The following PTPRN2 variants were observed in gnomAD, a reference collection of about 807,000 sequenced individuals.
The protein encoded by PTPRN2 is protein tyrosine phosphatase receptor type N2, also known as receptor-type tyrosine-protein phosphatase N2.
PTPRN2 carries 74 observed loss-of-function variants against 118.8 expected under a neutral mutation model. The observed-to-expected ratio is 0.62, with a 90% CI of 0.52 to 0.76. The LOEUF (loss-of-function observed/expected upper bound fraction) is 0.76, where lower values mean the gene tolerates loss of function less well. PTPRN2 is among the 30% of genes least tolerant of loss of function. The pLI is 0.00. For missense variants in PTPRN2, 1,481 were observed against 1,394.4 expected (o/e 1.06, Z -0.99); for synonymous variants, 641 against 608.0 (o/e 1.05, Z -0.80).
At position 157,610,510 on chromosome 7, in the gene PTPRN2, C is replaced by G. The variant is rs1316161853; in HGVS notation, c.2345-6435G>C. Among the ~76,000 whole-genome samples, 1 of 152,206 alleles carries G rather than the reference C, an allele frequency of 6.6e-6. No individual in the cohort carries two copies. The highest frequency in any genetic ancestry group is 1.5e-5 in the Non-Finnish European group (1 of 68,040). The stretch of plus-strand genomic sequence containing the variant: ...CAGTTGGCACCAGCACCCACAAGCT[C>G]CTGCTCCGAGTTTATGGTGTCCATC... On this transcript the variant is annotated intron_variant, in intron 15 of 22. Coordinates refer to ENST00000389418, the MANE Select transcript of PTPRN2 (RefSeq NM_002847.5). This position sits in a 1 kb window ranked among gnomAD's most constrained non-coding sequence, Gnocchi z 5.1.
intron 3 of PTPRN2, among the ~76,000 whole-genome samples, chr7:158,268,554 T>C (rs1335907205): frequency 1.6e-5 from 2 of 125,780 alleles, no homozygotes; most frequent in African/African-American, 6.4e-5. Context: ...AGGGCGGGTG[T>C]GTAATATCCC....
At chr7:158,246,484 G>C (rs543712482) in intron 3 of PTPRN2, among the ~76,000 whole-genome samples, 1 of 151,130 alleles carries the variant, frequency 6.6e-6, no homozygotes, top group Admixed American at 6.6e-5. Context: ...ACGGGAGAAG[G>C]AGGATGCTGG....
chr7:157,714,219 T>C (rs1483774842), intron 12 of PTPRN2, among the ~76,000 whole-genome samples: 1 of 152,212 alleles, frequency 6.6e-6, no homozygotes, highest in Admixed American at 6.5e-5. Flanking sequence ...TTTAAACCTG[T>C]GTGCATCACT....
chr7:158,070,258 T>A (rs1478906899), intron 11 of PTPRN2, among the ~76,000 whole-genome samples: 1 of 152,114 alleles, frequency 6.6e-6, no homozygotes, highest in Non-Finnish European at 1.5e-5. Flanking sequence ...GAGGTGCTCA[T>A]GGTGATGGAG....
rs186424435 is a variant in PTPRN2 at position 158,463,399 on chromosome 7, G to A, written c.163+26336C>T. ...TCATCATCATTATCATTACCATCAC[G>A]ACCATCATTGTTGTCATCATCACCA... On this transcript the variant is annotated intron_variant, in intron 2 of 22. Transcript: ENST00000389418. Among the ~76,000 whole-genome samples the A allele has an allele frequency of 1.5e-4, 23 of 150,114 alleles. No individual in the cohort carries two copies. The East Asian group carries it at 4.5e-3, about 30-fold the overall frequency.
chr7:158,231,651 C>T (rs1031604640), intron 3 of PTPRN2, among the ~76,000 whole-genome samples: 14 of 152,120 alleles, frequency 9.2e-5, no homozygotes, highest in South Asian at 2.1e-4. Context: ...TCATTTCACC[C>T]GACTGCTACA....
chr7:158,202,322 G>A (rs1826702958), intron 4 of PTPRN2, among the ~76,000 whole-genome samples: 1 of 152,184 alleles, frequency 6.6e-6, no homozygotes, highest in African/African-American at 2.4e-5. Context: ...ATTCTCTCCT[G>A]GGCAGGGCCT....
chr7:158,355,885 G>T (rs1476213853), intron 2 of PTPRN2, among the ~76,000 whole-genome samples: 1 of 152,164 alleles, frequency 6.6e-6, no homozygotes, highest in African/African-American at 2.4e-5. Flanking sequence ...GGCTGTTCTT[G>T]CCAAAGGCTG....
intron 2 of PTPRN2, among the ~76,000 whole-genome samples, chr7:158,439,515 A>G (rs946999906): frequency 6.6e-6 from 1 of 152,178 alleles, no homozygotes; most frequent in Non-Finnish European, 1.5e-5. Context: ...GAGAAGAAGA[A>G]GAGGAGAAGG....
intron 3 of PTPRN2, among the ~76,000 whole-genome samples, chr7:158,300,770 G>T (rs971891777): frequency 2.0e-5 from 3 of 151,938 alleles, no homozygotes; most frequent in Non-Finnish European, 4.4e-5. Context: ...GCTGAACGTG[G>T]CCGTGTGGAG....
chr7:157,935,648 T>A (rs1269715950), intron 11 of PTPRN2, among the ~76,000 whole-genome samples: 1 of 152,244 alleles, frequency 6.6e-6, no homozygotes, highest in East Asian at 1.9e-4. Context: ...GGTCCTAATG[T>A]CCTGTTTCTT....
At position 158,372,623 on chromosome 7, in the gene PTPRN2, CCCCGGAGCTGGTCCCCACCACGCTGGTT is replaced by C. The variant is rs1345371404; in HGVS notation, c.164-55719_164-55692del. ...TAGAGCTGGTCCCCACCACGCTGGT[CCCCGGAGCTGGTCCCCACCACGCTGGTT>C]CCCGGAGCTGATCTCCACCACGCTG... On this transcript the variant is annotated intron_variant, in intron 2 of 22. Transcript: ENST00000389418. Among the ~76,000 whole-genome samples the C allele has an allele frequency of 6.1e-3, 932 of 151,888 alleles. 8 individuals carry two copies. The highest frequency in any genetic ancestry group is 0.036 in the South Asian group (173 of 4,800).
chr7:158,029,928 C>T (rs997045017), intron 11 of PTPRN2: 1 of 152,322 alleles, frequency 6.6e-6, no homozygotes, highest in Non-Finnish European at 1.5e-5. Context: ...TGCAAAACAG[C>T]TGATAAAATG....
intron 1 of PTPRN2, among the ~76,000 whole-genome samples, chr7:158,584,239 C>T (rs989801515): frequency 3.9e-5 from 6 of 152,122 alleles, no homozygotes; most frequent in African/African-American, 1.4e-4. Context: ...TATAAAACTG[C>T]CCCCCTAAAC....
chr7:158,306,852 TTTG>T (rs1335067284), intron 3 of PTPRN2, among the ~76,000 whole-genome samples: 12 of 109,060 alleles, frequency 1.1e-4, no homozygotes, highest in African/African-American at 3.9e-4. Context: ...TGAGCTGTTT[TTTG>T]TTTTTTTTTT....
chr7:158,071,366 C>CGTGGTGG (rs1563390736), intron 11 of PTPRN2, among the ~76,000 whole-genome samples: 4 of 50,206 alleles, frequency 8.0e-5, no homozygotes, highest in African/African-American at 1.7e-4. Context: ...TGGAGGTGCT[C>CGTGGTGG]ATGGTGGTGG....
At chr7:157,991,594 G>A (rs1039572266) in intron 11 of PTPRN2, among the ~76,000 whole-genome samples, 1 of 152,190 alleles carries the variant, frequency 6.6e-6, no homozygotes, top group East Asian at 1.9e-4. Flanking sequence ...GGGCGGACCT[G>A]TTTCCTGTTA....
At chr7:157,900,066 A>T (rs1053161759) in intron 11 of PTPRN2, among the ~76,000 whole-genome samples, 1 of 152,212 alleles carries the variant, frequency 6.6e-6, no homozygotes, top group South Asian at 2.1e-4. Context: ...ATGCAACCTT[A>T]GAACCACCCT....
intron 12 of PTPRN2, among the ~76,000 whole-genome samples, chr7:157,796,533 C>T (rs2088499801): frequency 6.6e-6 from 1 of 152,222 alleles, no homozygotes; most frequent in African/African-American, 2.4e-5. Flanking sequence ...CGTTAAAAAT[C>T]TGGTTGGAGA....
Sources: gnomAD v4.1 joint callset for allele counts (sites outside exome capture counted in the v4.1 genomes callset) on GRCh38, gnomAD v4.1.1 for gene constraint, Gnocchi (gnomAD v3.1) non-coding constraint, MANE v1.5 for transcripts, NCBI Gene and HGNC (gene_info 2026-07-23, HGNC 2026-07-21) for gene names.